MSI2: variants seen among roughly 807,000 people sequenced by gnomAD.
MSI2 encodes RNA-binding protein Musashi homolog 2.
Under a neutral mutation model 45.6 loss-of-function variants are expected in MSI2, and 17 were observed. That is an observed-to-expected ratio of 0.37 (90% CI 0.26 to 0.56). MSI2 has a LOEUF of 0.56. MSI2 is among the 20% of genes least tolerant of loss of function. MSI2 has a pLI of 0.77. For synonymous variants in MSI2, 156 were observed against 158.2 expected, an observed-to-expected ratio of 0.99 and a Z score of 0.11; for missense variants, 293 against 444.2, an observed-to-expected ratio of 0.66 and a Z score of 3.06.
chr17:57,434,040 G>A (rs1567821010), intron 6 of MSI2, among the ~76,000 whole-genome samples: 1 of 152,150 alleles, frequency 6.6e-6, no homozygotes, highest in Non-Finnish European at 1.5e-5. Flanking sequence ...ATTAAGGCAC[G>A]TGAGTTAATA....
intron 7 of MSI2, among the ~76,000 whole-genome samples, chr17:57,564,818 C>T (rs1359576880): frequency 6.6e-6 from 1 of 152,064 alleles, no homozygotes; most frequent in African/African-American, 2.4e-5. Flanking sequence ...AGTTATGAAC[C>T]CCTGCTGCAC....
intron 6 of MSI2, among the ~76,000 whole-genome samples, chr17:57,454,883 G>T (rs1339668032): frequency 6.6e-6 from 1 of 152,202 alleles, no homozygotes; most frequent in Non-Finnish European, 1.5e-5. Flanking sequence ...CTAGGGAAGA[G>T]GGGTGCCGCT....
chr17:57,637,215 A>C (rs1434081685), intron 10 of MSI2, among the ~76,000 whole-genome samples: 1 of 152,218 alleles, frequency 6.6e-6, no homozygotes, highest in Admixed American at 6.5e-5. Flanking sequence ...TATTAAAGGC[A>C]AGCTTAGACA....
rs547260612 is a variant in MSI2, at chr17:57,574,940, G to C, written c.455-21928G>C. Reference sequence around the variant, plus strand: ...CCGCCTCCCGGGTTCACGCCATTCTGCTGCCTCAGCCTCCCAAGCAGCTGG... The same window carrying C: ...CCGCCTCCCGGGTTCACGCCATTCTCCTGCCTCAGCCTCCCAAGCAGCTGG... On this transcript the variant is annotated intron_variant, in intron 7 of 13. Transcript: ENST00000284073. 5.9e-4 allele frequency among the ~76,000 whole-genome samples: 87 copies of C among 147,842 alleles called. 1 individual carries two copies. In the East Asian group the frequency reaches 9.7e-3, roughly 16 times the overall value.
chr17:57,328,405 C>T (rs996086706), intron 5 of MSI2, among the ~76,000 whole-genome samples: 2 of 152,128 alleles, frequency 1.3e-5, no homozygotes, highest in African/African-American at 4.8e-5. Context: ...CCATCTTGTC[C>T]CCCATCTGGT....
At chr17:57,500,984 A>G (rs2086093839) in intron 6 of MSI2, among the ~76,000 whole-genome samples, 1 of 151,934 alleles carries the variant, frequency 6.6e-6, no homozygotes, top group Non-Finnish European at 1.5e-5. Flanking sequence ...AAATGAACCA[A>G]TATGATTAAT....
chr17:57,271,744 C>CTTTTT lies in MSI2; in HGVS notation c.312+9571_312+9575dup, dbSNP rs60803369. ...TGCAAAATAGACGGGCCACTGCAAT[C>CTTTTT]TTTTTTTTTTTTTTTTTTTTTTTAA... On this transcript the variant is annotated intron_variant, in intron 5 of 13. Transcript: ENST00000284073. Among the ~76,000 whole-genome samples the CTTTTT allele has an allele frequency of 1.2e-3, 133 of 107,586 alleles. 1 individual carries two copies. The highest frequency in any genetic ancestry group is 2.1e-3 in the Non-Finnish European group (108 of 52,068). The allele number at this position is 107,586 out of a possible 152,430, so 70.6% of individuals were successfully genotyped here.
Position 57,652,051 on chromosome 17 carries a change from C to G in MSI2, c.728-48C>G, listed in dbSNP as rs1911190716. On this transcript the variant is annotated intron_variant, in intron 10 of 13. Transcript: ENST00000284073. This position sits in a 1 kb window ranked among gnomAD's most constrained non-coding sequence, Gnocchi z 4.1. Reference sequence around the variant, plus strand: ...CCCGTGACCTAGGTCTGTGCCTGGCCCTTTCAAGGATTCCTCCATGACTCA... The same window carrying G: ...CCCGTGACCTAGGTCTGTGCCTGGCGCTTTCAAGGATTCCTCCATGACTCA... The G allele has an allele frequency of 6.3e-7, 1 of 1,581,884 alleles. No individual in the cohort carries two copies. Among genetic ancestry groups the G allele is most frequent in the Non-Finnish European group, 8.7e-7 (1 of 1,150,948 alleles).
At chr17:57,589,460 C>T (rs1209911169) in intron 7 of MSI2, among the ~76,000 whole-genome samples, 1 of 152,224 alleles carries the variant, frequency 6.6e-6, no homozygotes, top group African/African-American at 2.4e-5. Flanking sequence ...GGCCTCAGAC[C>T]TTCCAAGTTT....
intron 5 of MSI2, among the ~76,000 whole-genome samples, chr17:57,335,790 G>A (rs1357508826): frequency 6.6e-6 from 1 of 152,208 alleles, no homozygotes; most frequent in Non-Finnish European, 1.5e-5. Context: ...GCTCTTCAGG[G>A]ACAGTGCTCC....
At chr17:57,643,166 G>A (rs995931033) in intron 10 of MSI2, among the ~76,000 whole-genome samples, 1 of 152,138 alleles carries the variant, frequency 6.6e-6, no homozygotes, top group Non-Finnish European at 1.5e-5. Flanking sequence ...GGTTGAAAAG[G>A]TACCCTACTG....
At chr17:57,555,126 TG>T (rs1373846322) in intron 7 of MSI2, among the ~76,000 whole-genome samples, 1 of 152,160 alleles carries the variant, frequency 6.6e-6, no homozygotes, top group Admixed American at 6.5e-5. Flanking sequence ...TGTCCCTTCC[TG>T]GGTAATGGTG....
At chr17:57,437,360 G>A (rs549145517) in intron 6 of MSI2, among the ~76,000 whole-genome samples, 1 of 152,318 alleles carries the variant, frequency 6.6e-6, no homozygotes, top group Admixed American at 6.5e-5. Context: ...GACTCAATGA[G>A]CCAGAGCTCT....
At chr17:57,396,234 G>T (rs751607645) in intron 5 of MSI2, among the ~76,000 whole-genome samples, 67 of 152,170 alleles carry the variant, frequency 4.4e-4, no homozygotes, top group African/African-American at 8.7e-4. Flanking sequence ...GAAATATTTG[G>T]TTTTTTTGGT....
At chr17:57,463,847 G>T (rs183298327) in intron 6 of MSI2, among the ~76,000 whole-genome samples, 1 of 151,948 alleles carries the variant, frequency 6.6e-6, no homozygotes, top group Non-Finnish European at 1.5e-5. Flanking sequence ...AACCAGCATC[G>T]CCCTCTTCTT....
chr17:57,598,416 T>G (rs1474212534), intron 8 of MSI2, among the ~76,000 whole-genome samples: 1 of 152,266 alleles, frequency 6.6e-6, no homozygotes, highest in Non-Finnish European at 1.5e-5. Context: ...AATATTTGAC[T>G]TGCTAATTTT....
the MSI2 span, among the ~76,000 whole-genome samples, chr17:57,699,343 T>C: frequency 1.3e-5 from 2 of 150,042 alleles, no homozygotes; most frequent in African/African-American, 4.9e-5. Flanking sequence ...CTCCACGTCT[T>C]CCTCACTAGA....
intron 5 of MSI2, chr17:57,285,751 T>C: frequency 9.4e-7 from 1 of 1,065,738 alleles, no homozygotes; most frequent in South Asian, 2.1e-5. Context: ...TCTGTGTACA[T>C]GGAACTCTAT....
At chr17:57,494,133 AG>A (rs1358852851) in intron 6 of MSI2, among the ~76,000 whole-genome samples, 1 of 152,226 alleles carries the variant, frequency 6.6e-6, no homozygotes, top group African/African-American at 2.4e-5. Context: ...TTCACAGGTA[AG>A]GAAACAAGGC....
Sources: allele counts gnomAD v4.1 joint callset (sites outside exome capture counted in the v4.1 genomes callset), GRCh38; gene constraint gnomAD v4.1.1; non-coding constraint Gnocchi (gnomAD v3.1); transcripts MANE v1.5; gene names NCBI Gene and HGNC (gene_info 2026-07-23, HGNC 2026-07-21).